Variants in MDGA1 observed in about 807,000 individuals in gnomAD.
MDGA1 encodes the protein MAM domain containing glycosylphosphatidylinositol anchor 1.
A neutral mutation model predicts 101.5 loss-of-function variants in MDGA1; 54 were observed. That is an observed-to-expected ratio of 0.53 (90% CI 0.43 to 0.67). The LOEUF (loss-of-function observed/expected upper bound fraction) is 0.67, where lower values mean the gene tolerates loss of function less well. MDGA1 is among the 30% of genes least tolerant of loss of function. MDGA1 has a pLI of 0.00. For synonymous variants in MDGA1, 533 were observed against 558.3 expected (o/e 0.95, Z 0.64); for missense variants, 1,083 against 1,323.8 (o/e 0.82, Z 2.82).
chr6:37,662,951 G>T (rs1333246167), intron 2 of MDGA1, among the ~76,000 whole-genome samples: 1 of 152,162 alleles, frequency 6.6e-6, no homozygotes, highest in Non-Finnish European at 1.5e-5. Context: ...CAGCAGCATT[G>T]TTTTCCCTTC....
intron 2 of MDGA1, among the ~76,000 whole-genome samples, chr6:37,659,601 G>A (rs560388747): frequency 1.9e-4 from 29 of 152,270 alleles, no homozygotes; most frequent in African/African-American, 6.7e-4. Flanking sequence ...AAGTAGGGAG[G>A]CTTGTTTATT....
chr6:37,692,129 T>TA (rs1263744407), intron 1 of MDGA1, among the ~76,000 whole-genome samples: 2 of 151,782 alleles, frequency 1.3e-5, no homozygotes, highest in East Asian at 3.8e-4. Flanking sequence ...ATCCCTCAGA[T>TA]AGGGTGAGGC....
chr6:37,677,595 T>C (rs1762007949), intron 1 of MDGA1, among the ~76,000 whole-genome samples: 1 of 152,200 alleles, frequency 6.6e-6, no homozygotes, highest in African/African-American at 2.4e-5. Flanking sequence ...GACCACTGTT[T>C]ACTGCTATGT....
rs1255134275 is a variant in MDGA1, at chr6:37,652,961, A to T, written c.983-621T>A. ...TGTAATAAGTGAGTGTAATTTTTGT[A>T]ATAAGAGACCAATACGATCACTTTA... On this transcript the variant is annotated intron_variant, in intron 6 of 16. Coordinates refer to ENST00000434837, the MANE Select transcript of MDGA1 (RefSeq NM_153487.4). The surrounding 1 kb of genome is among the most constrained non-coding windows in gnomAD (Gnocchi z 4.3). Among the ~76,000 whole-genome samples, 1 of 152,242 alleles carries T rather than the reference A, an allele frequency of 6.6e-6. No homozygotes were observed. Among genetic ancestry groups the T allele is most frequent in the Non-Finnish European group, 1.5e-5 (1 of 68,044 alleles).
intron 1 of MDGA1, among the ~76,000 whole-genome samples, chr6:37,683,551 G>A (rs1762138441): frequency 6.6e-6 from 1 of 152,238 alleles, no homozygotes; most frequent in Non-Finnish European, 1.5e-5. Context: ...CTGGCCACTA[G>A]AGCTTGCGCT....
In MDGA1 at chr6:37,697,086, G is replaced by C; in HGVS notation, c.-275C>G. On this transcript the variant is annotated 5_prime_UTR_variant, in exon 1 of 17. Coordinates refer to ENST00000434837, the MANE Select transcript of MDGA1 (RefSeq NM_153487.4). ...GGCACAGCAGCCAGCGCCCCGACCC[G>C]AGGAGCCCGGCCGCCGAGCCGCCCC... The C allele has an allele frequency of 3.0e-6, 1 of 329,840 alleles. No individual in the cohort carries two copies. The highest frequency in any genetic ancestry group is 8.2e-4 in the Middle Eastern group (1 of 1,224). The allele number at this position is 329,840 out of a possible 1,614,324, so 20.4% of individuals were successfully genotyped here. A position where few individuals can be genotyped will look rare whatever the true frequency, so the allele number is the denominator to read the frequency against.
rs985375332 is a variant in MDGA1, at chr6:37,649,095, G to A, written c.1781C>T (p.Ala594Val). Residue 594 changes from alanine (A) to valine (V), a missense_variant, in exon 9 of 17, where the codon GCG (alanine) becomes GTG (valine). Physicochemically the swap from Ala to Val is moderately conservative, Grantham distance 64. This residue lies in a region of MDGA1 where 657 missense variants were observed against 771.4 expected (regional missense o/e 0.85). Transcript: ENST00000434837. ...GAGGCGCAGCTCCGCGTGATCCGGC[G>A]CCTCGGCGGCGGCGGGAACAACAGG... ...PPPVVPAAAE[A>V]PDHAELRLDA... 4 of 1,524,184 alleles carry A rather than the reference G, an allele frequency of 2.6e-6. No homozygotes were observed. In the African/African-American group the frequency reaches 4.2e-5, roughly 16 times the overall value. The allele number at this position is 1,524,184 out of a possible 1,614,324, so 94.4% of individuals were successfully genotyped here. A position where few individuals can be genotyped will look rare whatever the true frequency, so the allele number is the denominator to read the frequency against.
At position 37,679,707 on chromosome 6, in the gene MDGA1, G is replaced by A. The variant is rs79913989; in HGVS notation, c.68-15601C>T. Among the ~76,000 whole-genome samples the A allele has an allele frequency of 7.2e-5, 11 of 152,248 alleles. No homozygotes were observed. In the East Asian group the frequency reaches 1.7e-3, roughly 24 times the overall value. On this transcript the variant is annotated intron_variant, in intron 1 of 16. Transcript: ENST00000434837. Reference sequence around the variant, plus strand: ...TCACTCACTTAGCAAACCCTCCTCCGAACAGTGGTGGTCATTGCCTCCCAC... The same window carrying A: ...TCACTCACTTAGCAAACCCTCCTCCAAACAGTGGTGGTCATTGCCTCCCAC...
intron 3 of MDGA1, among the ~76,000 whole-genome samples, chr6:37,656,117 C>T (rs1761482066): frequency 6.8e-6 from 1 of 147,842 alleles, no homozygotes; most frequent in Non-Finnish European, 1.5e-5. Context: ...CTTGCTCTGT[C>T]ACCAGGCTGG....
rs1170010329 is a variant in MDGA1 at position 37,696,093 on chromosome 6, T to A, written c.67+652A>T. ...GCGTTTTCTGGGGATGGTGGCTGAA[T>A]GTATCTGTGTGTGCGCGCAGGAAGG... On this transcript the variant is annotated intron_variant, in intron 1 of 16. Coordinates refer to ENST00000434837, the MANE Select transcript of MDGA1 (RefSeq NM_153487.4). This position sits in a 1 kb window ranked among gnomAD's most constrained non-coding sequence, Gnocchi z 5.6. 6.6e-6 allele frequency among the ~76,000 whole-genome samples: 1 copy of A among 151,788 alleles called. No individual in the cohort carries two copies. Among genetic ancestry groups the A allele is most frequent in the Non-Finnish European group, 1.5e-5 (1 of 67,936 alleles).
chr6:37,648,976 G>A lies in MDGA1; in HGVS notation c.1894+6C>T, dbSNP rs1184124197. On this transcript the variant is annotated splice_donor_region_variant and intron_variant, in intron 9 of 16. Transcript: ENST00000434837. Reference sequence around the variant, plus strand: ...GTAGGTGGGGCGGGACCCACTGGACGCTCACCGGAGACCTGGAAGAGGCAG... The same window carrying A: ...GTAGGTGGGGCGGGACCCACTGGACACTCACCGGAGACCTGGAAGAGGCAG... The A allele has an allele frequency of 1.9e-6, 3 of 1,551,210 alleles. No homozygotes were observed. The highest frequency in any genetic ancestry group is 1.7e-4 in the Middle Eastern group (1 of 5,922).
chr6:37,654,626 G>A, intron 5 of MDGA1, 83 bp from the exon 6 acceptor site: 4 of 1,596,890 alleles, frequency 2.5e-6, no homozygotes, highest in Non-Finnish European at 3.4e-6. Context: ...GAAAACCATA[G>A]AGGCTGGAGA....
chr6:37,654,221 A>G (rs1581860628), intron 6 of MDGA1, 53 bp downstream of exon 6: 2 of 1,495,394 alleles, frequency 1.3e-6, no homozygotes, highest in East Asian at 4.7e-5. Context: ...CCCAAAGACC[A>G]GGGACCTTGT....
At chr6:37,644,027 G>C (rs1446891116) in intron 13 of MDGA1, 84 bp from the exon 14 acceptor site, 2 of 1,527,936 alleles carry the variant, frequency 1.3e-6, no homozygotes, top group African/African-American at 2.8e-5. Context: ...CTAGGCCTCT[G>C]CGGGCTGAAT....
chr6:37,634,521 G>A lies in MDGA1; in HGVS notation c.*2847C>T, dbSNP rs1471077962. On this transcript the variant is annotated 3_prime_UTR_variant, in exon 17 of 17. Coordinates refer to ENST00000434837, the MANE Select transcript of MDGA1 (RefSeq NM_153487.4). This position sits in a 1 kb window ranked among gnomAD's most constrained non-coding sequence, Gnocchi z 4.7. ...ATACACAAAGACACTCATTCCTGCT[G>A]AGGAACACACAAACACACAGAGACC... The A allele has an allele frequency of 6.5e-6, 1 of 153,030 alleles. No homozygotes were observed. Among genetic ancestry groups the A allele is most frequent in the Non-Finnish European group, 1.5e-5 (1 of 68,352 alleles). The allele number at this position is 153,030 out of a possible 1,614,324, so 9.5% of individuals were successfully genotyped here.
chr6:37,677,303 TC>T (rs1239999881), intron 1 of MDGA1, among the ~76,000 whole-genome samples: 1 of 152,172 alleles, frequency 6.6e-6, no homozygotes, highest in Admixed American at 6.5e-5. Flanking sequence ...ATAAAACTGT[TC>T]CTATCCTATG....
intron 1 of MDGA1, among the ~76,000 whole-genome samples, chr6:37,683,941 C>T (rs1187068976): frequency 6.6e-6 from 1 of 152,228 alleles, no homozygotes; most frequent in Admixed American, 6.5e-5. Context: ...TACGAAATTT[C>T]TCACATGGCC....
rs1284192807 is a variant in MDGA1, at chr6:37,649,106, G to A, written c.1770C>T (p.Ala590=). Residue 590 remains alanine (A), a synonymous_variant, in exon 9 of 17, where the codon GCC becomes GCT. Transcript: ENST00000434837. ...CCGCGTGATCCGGCGCCTCGGCGGCGGCGGGAACAACAGGCGGCGGCGGCA... is the reference window on the plus strand; with the variant it reads ...CCGCGTGATCCGGCGCCTCGGCGGCAGCGGGAACAACAGGCGGCGGCGGCA... ...QLLPPPPVVP[A]AAEAPDHAEL... is the part of the protein sequence containing the mutation. The A allele has an allele frequency of 2.0e-6, 3 of 1,522,142 alleles. No homozygotes were observed. The highest frequency in any genetic ancestry group is 2.1e-5 in the Admixed American group (1 of 47,706). The allele number at this position is 1,522,142 out of a possible 1,614,324, so 94.3% of individuals were successfully genotyped here.
intron 1 of MDGA1, among the ~76,000 whole-genome samples, chr6:37,690,772 C>CAA (rs11388608): frequency 0.33 from 42,631 of 127,836 alleles, 7,234 homozygotes; most frequent in African/African-American, 0.36. Flanking sequence ...GACTCCACCT[C>CAA]AAAAAAAAAA....
Sources: allele counts gnomAD v4.1 joint callset (sites outside exome capture counted in the v4.1 genomes callset), GRCh38; gene constraint gnomAD v4.1.1; regional missense constraint gnomAD v4.1.1; non-coding constraint Gnocchi (gnomAD v3.1); transcripts MANE v1.5; gene names NCBI Gene and HGNC (gene_info 2026-07-23, HGNC 2026-07-21).